ANO6: variants seen among roughly 807,000 people sequenced by gnomAD.
ANO6 encodes anoctamin-6.
ANO6 carries 106 observed loss-of-function variants against 117.5 expected under a neutral mutation model. The ratio of observed to expected loss-of-function variants is 0.90; its 90% CI spans 0.77 to 1.06. ANO6 has a LOEUF of 1.06. Ranked by LOEUF, ANO6 falls within the 50% of genes least tolerant of loss-of-function variation. The pLI, the probability that ANO6 is intolerant of heterozygous loss-of-function variation, is 0.00. For synonymous variants in ANO6, 367 were observed against 385.1 expected, an observed-to-expected ratio of 0.95 and a Z score of 0.55; for missense variants, 955 against 1,121.1, an observed-to-expected ratio of 0.85 and a Z score of 2.12.
At chr12:45,263,843 G>A (rs772477881) in intron 1 of ANO6, among the ~76,000 whole-genome samples, 18 of 152,174 alleles carry the variant, frequency 1.2e-4, no homozygotes, top group Admixed American at 3.3e-4. Context: ...TTCACTGTGC[G>A]TGCTGACAGC....
intron 19 of ANO6, among the ~76,000 whole-genome samples, chr12:45,426,535 A>T (rs554048651): frequency 6.6e-6 from 1 of 152,192 alleles, no homozygotes; most frequent in East Asian, 1.9e-4. Context: ...TGCTCTTGCC[A>T]AAGTTAGCAG....
At chr12:45,253,591 T>C (rs1430651762) in intron 1 of ANO6, among the ~76,000 whole-genome samples, 2 of 152,178 alleles carry the variant, frequency 1.3e-5, no homozygotes. Flanking sequence ...ATTTAAGGCC[T>C]CAAAACATGA....
At chr12:45,423,087 G>C (rs568709467) in intron 19 of ANO6, 25 bp downstream of exon 19, 1 of 1,545,056 alleles carries the variant, frequency 6.5e-7, no homozygotes, top group South Asian at 1.1e-5. Flanking sequence ...CTTTCAAACA[G>C]TTTATAAGGA....
intron 12 of ANO6, among the ~76,000 whole-genome samples, chr12:45,395,811 T>C (rs1000146285): frequency 5.9e-5 from 9 of 152,206 alleles, no homozygotes; most frequent in African/African-American, 1.9e-4. Flanking sequence ...CTAAAAACTC[T>C]CAATAAACTA....
intron 10 of ANO6, among the ~76,000 whole-genome samples, chr12:45,382,831 G>A (rs754824158): frequency 9.9e-5 from 15 of 152,208 alleles, no homozygotes; most frequent in Non-Finnish European, 2.1e-4. Context: ...AGCCTTTAGA[G>A]AGTGTTAATC....
intron 1 of ANO6, among the ~76,000 whole-genome samples, chr12:45,283,705 G>A (rs772189924): frequency 3.9e-5 from 6 of 152,170 alleles, no homozygotes; most frequent in Non-Finnish European, 8.8e-5. Context: ...GAACCCAGTA[G>A]GTAAAGTCAG....
chr12:45,296,282 G>A (rs1939291615), intron 1 of ANO6, among the ~76,000 whole-genome samples: 1 of 152,118 alleles, frequency 6.6e-6, no homozygotes, highest in Admixed American at 6.6e-5. Flanking sequence ...CATTCTCAAG[G>A]TGATATGGGC....
At chr12:45,296,513 TG>T (rs1327288925) in intron 1 of ANO6, among the ~76,000 whole-genome samples, 1 of 152,220 alleles carries the variant, frequency 6.6e-6, no homozygotes, top group Non-Finnish European at 1.5e-5. Flanking sequence ...TTCACTACAT[TG>T]TTTTTTTCTT....
intron 1 of ANO6, among the ~76,000 whole-genome samples, chr12:45,218,250 A>G (rs1437155530): frequency 6.6e-6 from 1 of 152,094 alleles, no homozygotes; most frequent in Non-Finnish European, 1.5e-5. Flanking sequence ...TGTAGGGGTC[A>G]TCTCAACATA....
intron 1 of ANO6, among the ~76,000 whole-genome samples, chr12:45,242,363 C>T (rs958537257): frequency 3.9e-5 from 6 of 152,364 alleles, no homozygotes; most frequent in East Asian, 1.9e-4. Context: ...AGGCTCTGGC[C>T]GTGGGACCTG....
chr12:45,381,202 C>T (rs746571145), intron 10 of ANO6, among the ~76,000 whole-genome samples: 1 of 152,170 alleles, frequency 6.6e-6, no homozygotes, highest in South Asian at 2.1e-4. Context: ...GCATCTTCTT[C>T]ATCTGATGCA....
intron 19 of ANO6, among the ~76,000 whole-genome samples, chr12:45,423,441 TAC>T (rs905361047): frequency 3.3e-5 from 5 of 152,228 alleles, no homozygotes; most frequent in African/African-American, 1.2e-4. Context: ...TCTGAAAAAT[TAC>T]TAAGGCAACT....
chr12:45,244,552 G>T (rs1947796629), intron 1 of ANO6, among the ~76,000 whole-genome samples: 1 of 152,024 alleles, frequency 6.6e-6, no homozygotes, highest in Admixed American at 6.6e-5. Context: ...ATTCTTAAGG[G>T]GTCCTTGATC....
intron 1 of ANO6, among the ~76,000 whole-genome samples, chr12:45,290,751 C>T (rs1939066890): frequency 6.6e-6 from 1 of 152,126 alleles, no homozygotes; most frequent in Non-Finnish European, 1.5e-5. Flanking sequence ...TTTTAAAAGT[C>T]TGTTTATTAA....
chr12:45,417,119 T>C (rs1943234097), intron 17 of ANO6, among the ~76,000 whole-genome samples: 1 of 152,230 alleles, frequency 6.6e-6, no homozygotes, highest in Non-Finnish European at 1.5e-5. Context: ...ATACAGGTAC[T>C]GTTATTGCTC....
intron 1 of ANO6, among the ~76,000 whole-genome samples, chr12:45,260,129 C>A (rs796684061): frequency 6.6e-6 from 1 of 152,098 alleles, no homozygotes; most frequent in East Asian, 1.9e-4. Context: ...TTTTGAAAGC[C>A]GAGCACTTAG....
At chr12:45,375,749 A>T (rs1326170656) in intron 9 of ANO6, among the ~76,000 whole-genome samples, 15 of 151,160 alleles carry the variant, frequency 9.9e-5, no homozygotes, top group African/African-American at 3.4e-4. Flanking sequence ...AACCATAAAA[A>T]CCCTAGAAGA....
intron 7 of ANO6, among the ~76,000 whole-genome samples, chr12:45,353,627 A>G (rs1048001011): frequency 2.6e-5 from 4 of 152,176 alleles, no homozygotes; most frequent in African/African-American, 4.8e-5. Flanking sequence ...AACCTCATCT[A>G]TGGTTCCCAG....
chr12:45,238,968 T>C (rs1338136171), intron 1 of ANO6, among the ~76,000 whole-genome samples: 1 of 152,252 alleles, frequency 6.6e-6, no homozygotes, highest in Admixed American at 6.5e-5. Context: ...GATTTCTGTA[T>C]CGATGTTCAT....
Sources: gnomAD v4.1 joint callset for allele counts (sites outside exome capture counted in the v4.1 genomes callset) on GRCh38, gnomAD v4.1.1 for gene constraint, MANE v1.5 for transcripts, NCBI Gene and HGNC (gene_info 2026-07-23, HGNC 2026-07-21) for gene names.